Variants in CA10 observed in about 807,000 individuals in gnomAD.
The protein encoded by CA10 is carbonic anhydrase-related protein 10.
CA10 carries 14 observed loss-of-function variants against 44.2 expected under a neutral mutation model. The ratio of observed to expected loss-of-function variants is 0.32; its 90% CI spans 0.21 to 0.50. The LOEUF (loss-of-function observed/expected upper bound fraction) is 0.50, where lower values mean the gene tolerates loss of function less well. CA10 is among the 20% of genes least tolerant of loss of function. CA10 has a pLI of 0.99. For synonymous variants in CA10, 159 were observed against 141.6 expected (o/e 1.12, Z -0.87); for missense variants, 350 against 409.7 (o/e 0.85, Z 1.26).
At chr17:51,850,480 G>A (rs909161944) in intron 3 of CA10, among the ~76,000 whole-genome samples, 7 of 152,142 alleles carry the variant, frequency 4.6e-5, no homozygotes, top group Non-Finnish European at 1.5e-5. Flanking sequence ...GAGATTTCTT[G>A]ACCACTTGCA....
intron 2 of CA10, among the ~76,000 whole-genome samples, chr17:51,963,338 C>T (rs1250666762): frequency 2.0e-5 from 3 of 152,134 alleles, no homozygotes; most frequent in Non-Finnish European, 4.4e-5. Flanking sequence ...ACCTTGGAAA[C>T]ATATTTGAGG....
At chr17:51,760,936 A>G (rs949221987) in intron 3 of CA10, among the ~76,000 whole-genome samples, 1 of 152,220 alleles carries the variant, frequency 6.6e-6, no homozygotes, top group Non-Finnish European at 1.5e-5. Flanking sequence ...ATTTTTCATA[A>G]ATCTTGGAAA....
intron 3 of CA10, among the ~76,000 whole-genome samples, chr17:51,860,178 A>T (rs1406130086): frequency 6.6e-6 from 1 of 152,164 alleles, no homozygotes; most frequent in Non-Finnish European, 1.5e-5. Context: ...CTCTTGAGAC[A>T]CTTTGGACTT....
intron 6 of CA10, among the ~76,000 whole-genome samples, chr17:51,644,352 G>A (rs186479918): frequency 6.6e-6 from 1 of 152,180 alleles, no homozygotes; most frequent in East Asian, 1.9e-4. Flanking sequence ...TCCAGGGTGG[G>A]ATTTTAAAGA....
At chr17:52,074,104 GC>G (rs1987756292) in intron 1 of CA10, among the ~76,000 whole-genome samples, 1 of 152,152 alleles carries the variant, frequency 6.6e-6, no homozygotes, top group Non-Finnish European at 1.5e-5. Context: ...CATCATAGGA[GC>G]CAGAGGAGAA....
chr17:52,033,190 A>G (rs1986519316), intron 2 of CA10, among the ~76,000 whole-genome samples: 1 of 152,230 alleles, frequency 6.6e-6, no homozygotes, highest in African/African-American at 2.4e-5. Flanking sequence ...GGACAAAGAT[A>G]TAGAGTAGTA....
intron 3 of CA10, among the ~76,000 whole-genome samples, chr17:51,827,353 CAT>C (rs1491335431): frequency 0.042 from 6,342 of 149,738 alleles, 176 homozygotes; most frequent in Admixed American, 0.11. Context: ...CACACACACA[CAT>C]ACACACACAC....
intron 3 of CA10, among the ~76,000 whole-genome samples, chr17:51,853,982 G>A (rs1266880620): frequency 6.6e-6 from 1 of 152,140 alleles, no homozygotes; most frequent in Non-Finnish European, 1.5e-5. Context: ...GTGTGAAAAC[G>A]AATGAATACA....
chr17:51,782,637 G>A (rs948182819), intron 3 of CA10, among the ~76,000 whole-genome samples: 6 of 152,270 alleles, frequency 3.9e-5, no homozygotes, highest in South Asian at 2.1e-4. Context: ...ATTGTCCAGC[G>A]TCCAACCCCC....
chr17:52,125,110 A>T (rs945111557), intron 1 of CA10, among the ~76,000 whole-genome samples: 1 of 152,166 alleles, frequency 6.6e-6, no homozygotes, highest in South Asian at 2.1e-4. Context: ...GAAAATTTCA[A>T]CTTGGTGTTT....
At chr17:51,766,530 T>C (rs898552633) in intron 3 of CA10, among the ~76,000 whole-genome samples, 3 of 152,168 alleles carry the variant, frequency 2.0e-5, no homozygotes, top group Non-Finnish European at 4.4e-5. Flanking sequence ...GTTGGGCAGG[T>C]TGCTTAACTT....
intron 3 of CA10, among the ~76,000 whole-genome samples, chr17:51,896,830 G>T (rs752254832): frequency 2.0e-5 from 3 of 152,100 alleles, no homozygotes; most frequent in Non-Finnish European, 4.4e-5. Context: ...TTTCTCTAAT[G>T]ATTAGTGATG....
chr17:51,875,852 C>T (rs76976370), intron 3 of CA10, among the ~76,000 whole-genome samples: 1,913 of 152,244 alleles, frequency 0.013, 31 homozygotes, highest in Non-Finnish European at 0.016. Flanking sequence ...CTCCTGGAGA[C>T]CGCTGATTGT....
At chr17:51,779,841 C>T (rs1334826907) in intron 3 of CA10, among the ~76,000 whole-genome samples, 1 of 152,108 alleles carries the variant, frequency 6.6e-6, no homozygotes, top group African/African-American at 2.4e-5. Context: ...AGGGAATGTG[C>T]CTCAGGAGAA....
chr17:51,960,525 G>GA (rs767862909), intron 2 of CA10, among the ~76,000 whole-genome samples: 4 of 151,922 alleles, frequency 2.6e-5, no homozygotes, highest in African/African-American at 9.7e-5. Flanking sequence ...TTTACATATA[G>GA]AAAAAAATAA....
chr17:52,010,765 A>C (rs1373825899), intron 2 of CA10, among the ~76,000 whole-genome samples: 1 of 151,496 alleles, frequency 6.6e-6, no homozygotes, highest in Non-Finnish European at 1.5e-5. Flanking sequence ...TTCAACATGA[A>C]CTTATTAATA....
chr17:52,026,757 A>G (rs1986314423), intron 2 of CA10, among the ~76,000 whole-genome samples: 1 of 151,948 alleles, frequency 6.6e-6, no homozygotes, highest in South Asian at 2.1e-4. Context: ...GGGGGTAACG[A>G]CCCCTATGAT....
chr17:51,657,054 G>A (rs1913821561), intron 4 of CA10, among the ~76,000 whole-genome samples: 1 of 152,158 alleles, frequency 6.6e-6, no homozygotes, highest in East Asian at 1.9e-4. Flanking sequence ...AATAGAGGTG[G>A]AGGTTGGGGG....
intron 1 of CA10, chr17:52,134,885 C>T (rs1199045927): frequency 1.9e-6 from 1 of 518,882 alleles, no homozygotes; most frequent in Non-Finnish European, 3.8e-6. Flanking sequence ...TCACCATTCT[C>T]CCTCACCCCC....
Sources: allele counts gnomAD v4.1 joint callset (sites outside exome capture counted in the v4.1 genomes callset), GRCh38; gene constraint gnomAD v4.1.1; transcripts MANE v1.5; gene names NCBI Gene and HGNC (gene_info 2026-07-23, HGNC 2026-07-21).